The following PARD3B variants were observed in gnomAD, a reference collection of about 807,000 sequenced individuals.
The protein encoded by PARD3B is par-3 family cell polarity regulator beta.
A neutral mutation model predicts 130.2 loss-of-function variants in PARD3B; 103 were observed. That is an observed-to-expected ratio of 0.79 (90% CI 0.67 to 0.93). PARD3B has a LOEUF of 0.93. Among genes scored for constraint, PARD3B ranks in the 40% least tolerant of loss-of-function variants. The pLI is 0.00. For synonymous variants in PARD3B, 583 were observed against 553.2 expected (o/e 1.05, Z -0.76); for missense variants, 1,609 against 1,499.2 (o/e 1.07, Z -1.21).
chr2:205,062,166 G>A (rs1006789383), intron 4 of PARD3B, among the ~76,000 whole-genome samples: 7 of 151,886 alleles, frequency 4.6e-5, no homozygotes, highest in Non-Finnish European at 1.0e-4. Context: ...TCCCTTTTCT[G>A]AAACTCTACT....
intron 2 of PARD3B, among the ~76,000 whole-genome samples, chr2:204,862,674 C>T (rs966938082): frequency 3.3e-5 from 5 of 152,192 alleles, no homozygotes; most frequent in Admixed American, 1.3e-4. Flanking sequence ...AGGACACTCA[C>T]ATCTGTTCTT....
chr2:204,995,264 A>G (rs1193364561), intron 3 of PARD3B, among the ~76,000 whole-genome samples: 1 of 151,928 alleles, frequency 6.6e-6, no homozygotes, highest in Non-Finnish European at 1.5e-5. Flanking sequence ...GAGCTCTTTT[A>G]GGGCAGGCCT....
intron 1 of PARD3B, among the ~76,000 whole-genome samples, chr2:204,633,533 G>A (rs2034762530): frequency 6.6e-6 from 1 of 152,110 alleles, no homozygotes; most frequent in African/African-American, 2.4e-5. Flanking sequence ...TAAAAATTTA[G>A]CTGGGCACGG....
chr2:205,113,409 T>G, intron 5 of PARD3B, 82 bp from the exon 6 acceptor site: 1 of 830,864 alleles, frequency 1.2e-6, no homozygotes, highest in Middle Eastern at 2.5e-4. Flanking sequence ...TGTGTGTGTG[T>G]GTGTGTGTGT....
At chr2:205,504,682 A>G (rs1477095264) in intron 21 of PARD3B, among the ~76,000 whole-genome samples, 2 of 152,246 alleles carry the variant, frequency 1.3e-5, no homozygotes, top group Non-Finnish European at 2.9e-5. Flanking sequence ...AATCAAAACC[A>G]CAATGAGATG....
intron 10 of PARD3B, among the ~76,000 whole-genome samples, chr2:205,148,603 GT>G (rs2033532752): frequency 6.6e-6 from 1 of 152,110 alleles, no homozygotes; most frequent in South Asian, 2.1e-4. Flanking sequence ...TGTAACAAAA[GT>G]TTTGTCACCT....
chr2:204,720,660 T>C (rs1455506739), intron 2 of PARD3B, among the ~76,000 whole-genome samples: 1 of 152,184 alleles, frequency 6.6e-6, no homozygotes, highest in African/African-American at 2.4e-5. Context: ...TGTCTACTTT[T>C]GATCAGACAA....
chr2:205,269,489 C>G lies in PARD3B; in HGVS notation c.2185+23667C>G, dbSNP rs2040636290. 6.6e-6 allele frequency among the ~76,000 whole-genome samples: 1 copy of G among 152,018 alleles called. No homozygotes were observed. The highest frequency in any genetic ancestry group is 1.5e-5 in the Non-Finnish European group (1 of 67,994). On this transcript the variant is annotated intron_variant, in intron 16 of 22. Coordinates refer to ENST00000406610, the MANE Select transcript of PARD3B (RefSeq NM_001302769.2). This position sits in a 1 kb window ranked among gnomAD's most constrained non-coding sequence, Gnocchi z 4.7. The stretch of plus-strand genomic sequence containing the variant: ...AGTACCTTGTTAAGATTTCCAAGAA[C>G]TTTTATATTCAGGAATTTATATTCA...
At chr2:205,381,192 TATTATATATA>T (rs543587072) in intron 18 of PARD3B, among the ~76,000 whole-genome samples, 1,973 of 123,796 alleles carry the variant, frequency 0.016, 80 homozygotes, top group African/African-American at 0.059. Context: ...AAAGAATATA[TATTATATATA>T]ATATATAAAG....
intron 2 of PARD3B, among the ~76,000 whole-genome samples, chr2:204,920,119 A>G (rs1388172363): frequency 1.3e-5 from 2 of 152,182 alleles, no homozygotes; most frequent in African/African-American, 2.4e-5. Flanking sequence ...TTCTGTATCT[A>G]TTGCCCCCTT....
intron 22 of PARD3B, among the ~76,000 whole-genome samples, chr2:205,581,924 G>GCTTGGTTCC (rs1190540102): frequency 6.6e-6 from 1 of 152,190 alleles, no homozygotes; most frequent in Admixed American, 6.5e-5. Context: ...CCTGGCAGCA[G>GCTTGGTTCC]CTTGGTTCCC....
chr2:204,802,688 G>A (rs1044404370), intron 2 of PARD3B, among the ~76,000 whole-genome samples: 1 of 152,120 alleles, frequency 6.6e-6, no homozygotes, highest in East Asian at 1.9e-4. Flanking sequence ...CATGTCCTTT[G>A]CAGGGACATG....
At chr2:204,928,076 A>G (rs1687765811) in intron 2 of PARD3B, among the ~76,000 whole-genome samples, 1 of 152,078 alleles carries the variant, frequency 6.6e-6, no homozygotes, top group Non-Finnish European at 1.5e-5. Flanking sequence ...TTACTCATGT[A>G]TCTTTGGGTA....
chr2:205,362,743 T>C (rs946961086), intron 18 of PARD3B, among the ~76,000 whole-genome samples: 1 of 152,202 alleles, frequency 6.6e-6, no homozygotes, highest in African/African-American at 2.4e-5. Flanking sequence ...TGAATTATTA[T>C]TGCATTTTGG....
At chr2:204,944,269 T>C (rs1689138344) in intron 2 of PARD3B, among the ~76,000 whole-genome samples, 1 of 152,196 alleles carries the variant, frequency 6.6e-6, no homozygotes, top group South Asian at 2.1e-4. Flanking sequence ...AGCTGGAGGC[T>C]CCTTGGAGAC....
chr2:205,559,585 AG>A (rs1559217020), intron 22 of PARD3B, among the ~76,000 whole-genome samples: 2 of 144,410 alleles, frequency 1.4e-5, no homozygotes, highest in East Asian at 4.2e-4. Context: ...TGAAATCAAT[AG>A]AAGTCCAGAC....
intron 1 of PARD3B, among the ~76,000 whole-genome samples, chr2:204,575,914 C>A (rs1299978134): frequency 7.9e-5 from 12 of 152,144 alleles, no homozygotes; most frequent in Non-Finnish European, 1.3e-4. Context: ...GTTGCTCAGG[C>A]GGTTCTTGCC....
chr2:205,185,469 A>G (rs1189313230), intron 13 of PARD3B, among the ~76,000 whole-genome samples: 1 of 152,214 alleles, frequency 6.6e-6, no homozygotes, highest in Admixed American at 6.5e-5. Context: ...ATCACAGGTA[A>G]TGAGTATGTG....
At chr2:205,014,531 C>T (rs1695973795) in intron 3 of PARD3B, among the ~76,000 whole-genome samples, 1 of 152,164 alleles carries the variant, frequency 6.6e-6, no homozygotes, top group African/African-American at 2.4e-5. Flanking sequence ...TATTTCTGGG[C>T]TTTGGCCAAT....
Sources: allele counts gnomAD v4.1 joint callset (sites outside exome capture counted in the v4.1 genomes callset), GRCh38; gene constraint gnomAD v4.1.1; non-coding constraint Gnocchi (gnomAD v3.1); transcripts MANE v1.5; gene names NCBI Gene and HGNC (gene_info 2026-07-23, HGNC 2026-07-21).